CFAP299: variants seen among roughly 807,000 people sequenced by gnomAD.
CFAP299 encodes cilia- and flagella-associated protein 299.
A neutral mutation model predicts 27.0 loss-of-function variants in CFAP299; 21 were observed. The ratio of observed to expected loss-of-function variants is 0.78; its 90% CI spans 0.55 to 1.12. The LOEUF (loss-of-function observed/expected upper bound fraction) is 1.12. Ranked by LOEUF, CFAP299 falls within the 50% of genes most tolerant of loss-of-function variation. The pLI is 0.00. For synonymous variants in CFAP299, 104 were observed against 98.1 expected (o/e 1.06, Z -0.36); for missense variants, 310 against 276.6 (o/e 1.12, Z -0.86).
chr4:80,347,961 C>A (rs900301533), intron 1 of CFAP299, among the ~76,000 whole-genome samples: 3 of 151,736 alleles, frequency 2.0e-5, no homozygotes, highest in Non-Finnish European at 4.4e-5. Context: ...GAGAACTGAG[C>A]AATAGATCAG....
At chr4:80,890,097 C>T (rs1734186618) in intron 4 of CFAP299, among the ~76,000 whole-genome samples, 1 of 152,050 alleles carries the variant, frequency 6.6e-6, no homozygotes, top group Non-Finnish European at 1.5e-5. Context: ...TTCCCCACTA[C>T]TATTCAAAAT....
intron 3 of CFAP299, among the ~76,000 whole-genome samples, chr4:80,587,168 T>C (rs1736488947): frequency 6.6e-6 from 1 of 152,200 alleles, no homozygotes; most frequent in South Asian, 2.1e-4. Flanking sequence ...GATGTTTATT[T>C]CTTTTTTAAT....
intron 2 of CFAP299, among the ~76,000 whole-genome samples, chr4:80,390,889 A>G (rs1725415582): frequency 1.6e-5 from 1 of 63,640 alleles, no homozygotes; most frequent in South Asian, 4.6e-4. Context: ...ATATATGTAT[A>G]TACACACATA....
intron 4 of CFAP299, among the ~76,000 whole-genome samples, chr4:80,889,192 A>T (rs1734122834): frequency 6.6e-6 from 1 of 150,408 alleles, no homozygotes; most frequent in African/African-American, 2.5e-5. Flanking sequence ...TCAACAAAAT[A>T]AAAGTTTTTT....
intron 2 of CFAP299, among the ~76,000 whole-genome samples, chr4:80,419,662 G>A (rs1560558991): frequency 1.3e-5 from 2 of 152,114 alleles, no homozygotes; most frequent in South Asian, 4.2e-4. Context: ...TGAGATTCCC[G>A]GTGCGGGGTG....
chr4:80,881,209 A>T (rs1733687447), intron 4 of CFAP299, among the ~76,000 whole-genome samples: 1 of 152,236 alleles, frequency 6.6e-6, no homozygotes, highest in Non-Finnish European at 1.5e-5. Context: ...GGCAGAGCCC[A>T]GTTCCAAGGA....
At chr4:80,916,252 AATATATATATATAT>A (rs10696316) in intron 4 of CFAP299, among the ~76,000 whole-genome samples, 663 of 60,948 alleles carry the variant, frequency 0.011, 24 homozygotes, top group South Asian at 0.021. Context: ...ACTAGACTGA[AATATATATATATAT>A]ATATATATAT....
At chr4:80,506,264 G>A (rs562941934) in intron 2 of CFAP299, among the ~76,000 whole-genome samples, 1 of 151,968 alleles carries the variant, frequency 6.6e-6, no homozygotes, top group East Asian at 1.9e-4. Context: ...AGTAAATCCA[G>A]GACTATTTGA....
chr4:80,912,641 C>A (rs1198937157), intron 4 of CFAP299, among the ~76,000 whole-genome samples: 36 of 152,132 alleles, frequency 2.4e-4, no homozygotes, highest in Non-Finnish European at 1.5e-5. Context: ...TGGCTCAAGC[C>A]CAAGGGTCAG....
intron 2 of CFAP299, among the ~76,000 whole-genome samples, chr4:80,514,120 G>A (rs978393841): frequency 1.7e-4 from 26 of 151,992 alleles, no homozygotes; most frequent in African/African-American, 4.3e-4. Context: ...TTTTAAGGTC[G>A]TGTTAGAAAT....
Position 80,424,242 on chromosome 4 carries a change from G to A in CFAP299, c.242+61358G>A, listed in dbSNP as rs562438892. Among the ~76,000 whole-genome samples, 22 of 152,300 alleles carry A rather than the reference G, an allele frequency of 1.4e-4. No homozygotes were observed. The South Asian group carries it at 2.1e-3, about 14-fold the overall frequency. ...ATGGCTCTTCCCTTAACCTTCCCAC[G>A]TGGTGGTATGTGGAAGGCAAGGTTG... On this transcript the variant is annotated intron_variant, in intron 2 of 5. Transcript: ENST00000358105.
intron 3 of CFAP299, among the ~76,000 whole-genome samples, chr4:80,849,174 A>T (rs972899138): frequency 5.3e-5 from 8 of 151,980 alleles, no homozygotes; most frequent in African/African-American, 1.7e-4. Context: ...CTTTTTTAAA[A>T]TTTTTTATTA....
intron 3 of CFAP299, among the ~76,000 whole-genome samples, chr4:80,628,112 G>A (rs1255051407): frequency 6.6e-6 from 1 of 152,046 alleles, no homozygotes; most frequent in Non-Finnish European, 1.5e-5. Context: ...GACCAAAACA[G>A]CATGGTACTG....
At chr4:80,631,167 G>T (rs964277075) in intron 3 of CFAP299, among the ~76,000 whole-genome samples, 5 of 151,980 alleles carry the variant, frequency 3.3e-5, no homozygotes, top group Admixed American at 1.3e-4. Flanking sequence ...TATTATTTAT[G>T]AAAGTTGCCA....
chr4:80,508,767 A>T (rs975766427), intron 2 of CFAP299, among the ~76,000 whole-genome samples: 1 of 152,120 alleles, frequency 6.6e-6, no homozygotes, highest in Non-Finnish European at 1.5e-5. Context: ...CATAATGTCC[A>T]GACTGGTCTT....
At chr4:80,883,403 A>C (rs1733813348) in intron 4 of CFAP299, among the ~76,000 whole-genome samples, 1 of 152,164 alleles carries the variant, frequency 6.6e-6, no homozygotes, top group Non-Finnish European at 1.5e-5. Context: ...AAATGTTCAG[A>C]AAACAACAAA....
intron 3 of CFAP299, among the ~76,000 whole-genome samples, chr4:80,818,197 A>T (rs1180482675): frequency 1.3e-5 from 2 of 152,108 alleles, no homozygotes; most frequent in African/African-American, 4.8e-5. Flanking sequence ...CCATTTTATG[A>T]CTGCATAGTA....
In CFAP299 at chr4:80,655,223, C is replaced by T. The variant is rs143704691; in HGVS notation, c.333+72040C>T. Among the ~76,000 whole-genome samples, 6 of 152,210 alleles carry T rather than the reference C, an allele frequency of 3.9e-5. No individual in the cohort carries two copies. In the East Asian group the frequency reaches 5.8e-4, roughly 15 times the overall value. ...ATCCATTTAATTATCCATAACATAT[C>T]GGTTGTGCATTTACTATTTCCAGTA... is the stretch of plus-strand genomic sequence containing the variant. On this transcript the variant is annotated intron_variant, in intron 3 of 5. Coordinates refer to ENST00000358105, the MANE Select transcript of CFAP299 (RefSeq NM_152770.3).
chr4:80,724,837 A>C (rs1723053485), intron 3 of CFAP299, among the ~76,000 whole-genome samples: 3 of 136,058 alleles, frequency 2.2e-5, no homozygotes, highest in African/African-American at 5.5e-5. Context: ...CTTTTTCTTT[A>C]TTTCCTTCAT....
Sources: allele counts gnomAD v4.1 joint callset (sites outside exome capture counted in the v4.1 genomes callset), GRCh38; gene constraint gnomAD v4.1.1; transcripts MANE v1.5; gene names NCBI Gene and HGNC (gene_info 2026-07-23, HGNC 2026-07-21).